PKHD1: variants seen among roughly 807,000 people sequenced by gnomAD.
The protein encoded by PKHD1 is fibrocystin.
In PKHD1, 291 loss-of-function variants were observed where a neutral mutation model predicts 412.0. The observed-to-expected ratio is 0.71, with a 90% CI of 0.64 to 0.78. The LOEUF (loss-of-function observed/expected upper bound fraction) is 0.78. PKHD1 is among the 30% of genes least tolerant of loss of function. PKHD1 has a pLI of 0.00. For missense variants in PKHD1, 4,825 were observed against 4,950.7 expected (o/e 0.97, Z 0.76); for synonymous variants, 1,777 against 1,821.5 (o/e 0.98, Z 0.62).
At chr6:51,650,668 G>C (rs1297125278) in intron 61 of PKHD1, among the ~76,000 whole-genome samples, 1 of 152,040 alleles carries the variant, frequency 6.6e-6, no homozygotes, top group African/African-American at 2.4e-5. Flanking sequence ...AGTTTCCATA[G>C]GAAGCAATTT....
In PKHD1 at chr6:51,843,865, T is replaced by A. The variant is rs6906609; in HGVS notation, c.8107+3910A>T. ...GAACCAATCTCCCTAACAGATCTTT[T>A]TAAATGAGTGAGGTTATCTTATTCT... On this transcript the variant is annotated intron_variant, in intron 50 of 66. Transcript: ENST00000371117. Among the ~76,000 whole-genome samples, 1,469 of 152,332 alleles carry A rather than the reference T, an allele frequency of 9.6e-3. 24 individuals are homozygous for A. The highest frequency in any genetic ancestry group is 0.033 in the African/African-American group (1,357 of 41,570).
rs551069661 is a variant in PKHD1 at position 51,932,971 on chromosome 6, G to A, written c.6121+1139C>T. ...GCACAGCTCCATGCCCTCATCTAGA[G>A]CAATTATCCTATGACAAGTGGATTA... On this transcript the variant is annotated intron_variant, in intron 37 of 66. Coordinates refer to ENST00000371117, the MANE Select transcript of PKHD1 (RefSeq NM_138694.4). Among the ~76,000 whole-genome samples, 17 of 152,278 alleles carry A rather than the reference G, an allele frequency of 1.1e-4. 1 individual carries two copies. The South Asian group carries it at 3.5e-3, about 32-fold the overall frequency.
At chr6:51,770,222 T>C (rs112936143) in intron 55 of PKHD1, among the ~76,000 whole-genome samples, 1 of 151,800 alleles carries the variant, frequency 6.6e-6, no homozygotes, top group Non-Finnish European at 1.5e-5. Flanking sequence ...TCCTAGAGAT[T>C]TGCTTTATAT....
intron 66 of PKHD1, among the ~76,000 whole-genome samples, chr6:51,626,074 GCAAA>G (rs1252204574): frequency 6.6e-6 from 1 of 151,482 alleles, no homozygotes; most frequent in Non-Finnish European, 1.5e-5. Flanking sequence ...ATACAAACAA[GCAAA>G]CAAACTGATA....
In PKHD1 at chr6:51,883,148, C is replaced by T; in HGVS notation, c.7295G>A (p.Ser2432Asn). Residue 2432 changes from serine to asparagine, a missense_variant, in exon 46 of 67, where the codon AGT becomes AAT. Ser to Asn is a conservative substitution (Grantham distance 46). Coordinates refer to ENST00000371117, the MANE Select transcript of PKHD1 (RefSeq NM_138694.4). ...GTCAGTAACTGAAGTATTTGCATCA[C>T]TTTCCAAGACGTCAATTCCAAAATC... Reference protein sequence around the residue: ...CRDFGIDVLESDANTSVTDSL... With the variant: ...CRDFGIDVLENDANTSVTDSL... 6.2e-7 allele frequency: 1 copy of T among 1,612,636 alleles called. No homozygotes were observed. The highest frequency in any genetic ancestry group is 8.5e-7 in the Non-Finnish European group (1 of 1,178,684).
At chr6:51,690,203 C>T (rs751967798) in intron 60 of PKHD1, among the ~76,000 whole-genome samples, 36 of 136,726 alleles carry the variant, frequency 2.6e-4, no homozygotes, top group East Asian at 1.4e-3. Context: ...ACTCGGGAGG[C>T]GGAGGTTGTA....
At chr6:51,881,062 C>T (rs1777244795) in intron 46 of PKHD1, among the ~76,000 whole-genome samples, 2 of 144,150 alleles carry the variant, frequency 1.4e-5, no homozygotes, top group South Asian at 2.2e-4. Flanking sequence ...GGTCAGGAAC[C>T]CTCTTTTTCT....
At chr6:51,794,423 G>A (rs2151283169) in intron 52 of PKHD1, among the ~76,000 whole-genome samples, 1 of 152,176 alleles carries the variant, frequency 6.6e-6, no homozygotes, top group Non-Finnish European at 1.5e-5. Context: ...CTGGATATTA[G>A]ACGTTTGTCA....
intron 35 of PKHD1, among the ~76,000 whole-genome samples, chr6:51,978,386 A>G (rs1453936036): frequency 6.6e-6 from 1 of 152,220 alleles, no homozygotes; most frequent in Non-Finnish European, 1.5e-5. Flanking sequence ...AGACTACCTC[A>G]GCCAGGGGCA....
intron 55 of PKHD1, among the ~76,000 whole-genome samples, chr6:51,766,030 T>C (rs902810171): frequency 6.6e-6 from 1 of 152,080 alleles, no homozygotes; most frequent in Non-Finnish European, 1.5e-5. Context: ...GAATCCTACA[T>C]AACCCGCCCC....
chr6:51,926,130 A>G (rs1785576472), intron 37 of PKHD1, among the ~76,000 whole-genome samples: 1 of 152,208 alleles, frequency 6.6e-6, no homozygotes, highest in African/African-American at 2.4e-5. Context: ...GAGCAATGTC[A>G]AACGGTGATG....
chr6:51,622,995 A>G (rs1039605323), intron 66 of PKHD1: 5 of 152,180 alleles, frequency 3.3e-5, no homozygotes, highest in African/African-American at 7.2e-5. Flanking sequence ...GTGCCCATAT[A>G]TTCTTGTAAC....
chr6:52,014,789 CATGGATGGATGG>C (rs55884238), intron 34 of PKHD1, among the ~76,000 whole-genome samples: 247 of 142,266 alleles, frequency 1.7e-3, no homozygotes, highest in African/African-American at 5.5e-3. Flanking sequence ...ATGGATGGAT[CATGGATGGATGG>C]ATGGATGGAT....
chr6:51,830,790 T>A (rs968626433), intron 52 of PKHD1, 71 bp downstream of exon 52: 7 of 1,411,836 alleles, frequency 5.0e-6, no homozygotes, highest in South Asian at 1.2e-5. Context: ...TTGTACAATA[T>A]AAATGAAACA....
chr6:51,638,227 C>T lies in PKHD1; in HGVS notation c.11506+622G>A, dbSNP rs184541941. Reference sequence around the variant, plus strand: ...TTTCAACATTTCTTCCCTGGCTATACGATCACTATCTCCCAAATGCTCTTT... The same window carrying T: ...TTTCAACATTTCTTCCCTGGCTATATGATCACTATCTCCCAAATGCTCTTT... On this transcript the variant is annotated intron_variant, in intron 64 of 66. Coordinates refer to ENST00000371117, the MANE Select transcript of PKHD1 (RefSeq NM_138694.4). Among the ~76,000 whole-genome samples the T allele has an allele frequency of 4.8e-4, 73 of 152,268 alleles. No homozygotes were observed. The South Asian group carries it at 5.4e-3, about 11-fold the overall frequency.
chr6:51,987,055 C>T (rs781370949), intron 35 of PKHD1, among the ~76,000 whole-genome samples: 5 of 152,016 alleles, frequency 3.3e-5, no homozygotes, highest in Non-Finnish European at 7.4e-5. Flanking sequence ...TGATTAATGC[C>T]GATTGTGACT....
At chr6:52,057,060 C>A in intron 16 of PKHD1, 81 bp from the exon 17 acceptor site, 1 of 869,232 alleles carries the variant, frequency 1.2e-6, no homozygotes, top group Non-Finnish European at 2.0e-6. Flanking sequence ...GGACATTCCT[C>A]CTCAACTTGC....
chr6:51,666,712 A>G (rs2150465660), intron 60 of PKHD1, among the ~76,000 whole-genome samples: 1 of 117,022 alleles, frequency 8.5e-6, no homozygotes, highest in South Asian at 2.8e-4. Context: ...ACCCCACAAC[A>G]GTCCCCAGAG....
chr6:51,743,240 A>G (rs899140124), intron 60 of PKHD1, among the ~76,000 whole-genome samples: 22 of 152,184 alleles, frequency 1.4e-4, no homozygotes. Flanking sequence ...AGTGAGAGAC[A>G]ATGGTGGCTA....
Sources: allele counts gnomAD v4.1 joint callset (sites outside exome capture counted in the v4.1 genomes callset), GRCh38; gene constraint gnomAD v4.1.1; transcripts MANE v1.5; gene names NCBI Gene and HGNC (gene_info 2026-07-23, HGNC 2026-07-21).